PUS7L: variants seen among roughly 807,000 people sequenced by gnomAD.
PUS7L encodes pseudouridine synthase 7 like.
Under a neutral mutation model 51.1 loss-of-function variants are expected in PUS7L, and 49 were observed. The ratio of observed to expected loss-of-function variants is 0.96; its 90% CI spans 0.76 to 1.22. The LOEUF is 1.22. Among genes scored for constraint, PUS7L ranks in the 50% most tolerant of loss-of-function variants. PUS7L has a pLI of 0.00. For synonymous variants in PUS7L, 277 were observed against 276.2 expected (o/e 1.00, Z -0.03); for missense variants, 828 against 820.6 (o/e 1.01, Z -0.11).
rs771726514 is a variant in PUS7L, at chr12:43,742,536, T to A, written c.1283A>T (p.Tyr428Phe). ...CTTCCCAAATCTCTGTGGTCCATAG[T>A]AATTCACAAAGCCTTTTTTCTATGT... ...ENVKKKGFVN[Y>F]YGPQRFGKGR... Residue 428 changes from tyrosine (Y) to phenylalanine (F), a missense_variant, in exon 5 of 9, where the codon TAC (tyrosine) becomes TTC (phenylalanine). By Grantham distance (22) the Tyr-to-Phe change is conservative (BLOSUM62 3). Transcript: ENST00000344862. 1.9e-6 allele frequency: 3 copies of A among 1,606,052 alleles called. No homozygotes were observed. The highest frequency in any genetic ancestry group is 3.5e-5 in the Admixed American group (2 of 57,190).
In PUS7L at chr12:43,736,617, G is replaced by T; in HGVS notation, c.1489C>A (p.Arg497Ser). Residue 497 changes from arginine (R) to serine (S), a missense_variant, in exon 7 of 9, where the codon CGT (arginine) becomes AGT (serine). Arg to Ser is a moderately radical substitution (Grantham distance 110). Transcript: ENST00000344862. The stretch of plus-strand genomic sequence containing the variant: ...AATGCCTCCAACAATGCTCTCTCAC[G>T]CACTTTGAATTCAGGCATCAATGAA... Reference protein sequence around the residue: ...TLSLMPEFKVRERALLEALHR... With the variant: ...TLSLMPEFKVSERALLEALHR... 1 of 1,613,910 alleles carries T rather than the reference G, an allele frequency of 6.2e-7. No homozygotes were observed.
chr12:43,721,088 T>C lies in PUS7L; in HGVS notation c.*9288A>G, dbSNP rs1944392328. On this transcript the variant is annotated 3_prime_UTR_variant, in exon 9 of 9. Coordinates refer to ENST00000344862, the MANE Select transcript of PUS7L (RefSeq NM_031292.5). ...AACTTTCCTTAATGTCATAAAGTTT[T>C]AGAAATATGCAGATAAATTCAGAGA... 6.6e-6 allele frequency: 1 copy of C among 152,196 alleles called. No individual in the cohort carries two copies. Among genetic ancestry groups the C allele is most frequent in the African/African-American group, 2.4e-5 (1 of 41,442 alleles). The allele number at this position is 152,196 out of a possible 1,614,324, so 9.4% of individuals were successfully genotyped here. A position where few individuals can be genotyped will look rare whatever the true frequency, so the allele number is the denominator to read the frequency against.
intron 2 of PUS7L, among the ~76,000 whole-genome samples, chr12:43,753,620 T>A (rs1343512170): frequency 6.6e-6 from 1 of 152,190 alleles, no homozygotes; most frequent in Non-Finnish European, 1.5e-5. Flanking sequence ...CAATTAAACC[T>A]AGTCAGCTGG....
intron 2 of PUS7L, among the ~76,000 whole-genome samples, chr12:43,752,806 G>A (rs1938517881): frequency 1.3e-5 from 2 of 152,102 alleles, no homozygotes; most frequent in Admixed American, 1.3e-4. Flanking sequence ...GATGAATGGT[G>A]GTGAGGGATG....
At chr12:43,749,889 A>G (rs12318086) in intron 2 of PUS7L, among the ~76,000 whole-genome samples, 13,375 of 152,094 alleles carry the variant, frequency 0.088, 1,429 homozygotes, top group African/African-American at 0.26. Context: ...ACTGGGGTCT[A>G]TAAGAGGTAG....
chr12:43,749,859 T>C (rs1252253574), intron 2 of PUS7L, among the ~76,000 whole-genome samples: 1 of 151,794 alleles, frequency 6.6e-6, no homozygotes, highest in Non-Finnish European at 1.5e-5. Context: ...CACATAGACA[T>C]AAAAATGGAA....
chr12:43,735,217 T>C (rs1274595917), intron 7 of PUS7L, among the ~76,000 whole-genome samples: 2 of 151,836 alleles, frequency 1.3e-5, no homozygotes, highest in Non-Finnish European at 2.9e-5. Context: ...CTTGGGAGGC[T>C]GAGGCAGGAG....
chr12:43,756,479 T>C (rs1052913170), intron 1 of PUS7L, among the ~76,000 whole-genome samples: 1 of 152,238 alleles, frequency 6.6e-6, no homozygotes, highest in Admixed American at 6.5e-5. Flanking sequence ...GAGCCTGCCA[T>C]TGGGCTTTAC....
At chr12:43,757,359 G>A (rs1214551591) in intron 1 of PUS7L, among the ~76,000 whole-genome samples, 1 of 152,136 alleles carries the variant, frequency 6.6e-6, no homozygotes, top group Non-Finnish European at 1.5e-5. Flanking sequence ...TTTTAGTAGA[G>A]ATGGGGTTTC....
chr12:43,732,468 A>C (rs1944580636), intron 7 of PUS7L, among the ~76,000 whole-genome samples: 1 of 152,080 alleles, frequency 6.6e-6, no homozygotes, highest in Non-Finnish European at 1.5e-5. Flanking sequence ...TGAAAAAAAA[A>C]AAATTTAAAG....
At chr12:43,742,592 T>A (rs777114626) in intron 4 of PUS7L, 37 bp from the exon 5 acceptor site, 25 of 1,512,606 alleles carry the variant, frequency 1.7e-5, no homozygotes, top group Admixed American at 8.7e-5. Flanking sequence ...TAAGAGTATA[T>A]AAATACAATT....
Position 43,736,658 on chromosome 12 carries a change from T to A in PUS7L, c.1448A>T (p.Asp483Val). Reference sequence around the variant, plus strand: ...CATCAATGAAAGTGTGCCTTTAGCATCCTCTGAAACAAAGGGTAAATCAGG... The same window carrying A: ...CATCAATGAAAGTGTGCCTTTAGCAACCTCTGAAACAAAGGGTAAATCAGG... Reference protein sequence around the residue: ...RAKKYFLQTEDAKGTLSLMPE... With the variant: ...RAKKYFLQTEVAKGTLSLMPE... Residue 483 changes from aspartate to valine, a missense_variant, in exon 7 of 9, where the codon GAT becomes GTT. Transcript: ENST00000344862. The A allele has an allele frequency of 1.2e-6, 2 of 1,612,904 alleles. No homozygotes were observed. Among genetic ancestry groups the A allele is most frequent in the Non-Finnish European group, 1.7e-6 (2 of 1,179,054 alleles).
At position 43,738,320 on chromosome 12, in the gene PUS7L, A is replaced by G; in HGVS notation, c.1434T>C (p.Phe478=). The part of the protein sequence containing the change: ...DDPVNRAKKY[F]LQTEDAKGTL... ...AAGAAACGTAAATACCAGTTTGAAG[A>G]AAATACTTCTTTGCTCTATTTACAG... The change falls in exon 6 of 9, where the codon TTT becomes TTC. Residue 478 remains phenylalanine (F), a synonymous_variant. Coordinates refer to ENST00000344862, the MANE Select transcript of PUS7L (RefSeq NM_031292.5). The G allele has an allele frequency of 6.4e-7, 1 of 1,552,464 alleles. No homozygotes were observed. Among genetic ancestry groups the G allele is most frequent in the Non-Finnish European group, 8.9e-7 (1 of 1,124,208 alleles).
At chr12:43,745,709 A>G (rs1019756088) in intron 4 of PUS7L, among the ~76,000 whole-genome samples, 2 of 150,188 alleles carry the variant, frequency 1.3e-5, no homozygotes, top group Non-Finnish European at 3.0e-5. Context: ...ATTTCCAAAC[A>G]ATAAATTCCC....
chr12:43,746,062 G>T lies in PUS7L; in HGVS notation c.1247C>A (p.Ala416Glu), dbSNP rs771675243. 1 of 1,490,800 alleles carries T rather than the reference G, an allele frequency of 6.7e-7. No homozygotes were observed. Among genetic ancestry groups the T allele is most frequent in the Non-Finnish European group, 9.2e-7 (1 of 1,083,014 alleles). The allele number at this position is 1,490,800 out of a possible 1,614,324, so 92.3% of individuals were successfully genotyped here. ...TTTTCTTACCTTAACATTTTCTATT[G>T]CTTCCATAATTCTCTCCCTCAGGTT... ...SANLRERIME[A>E]IENVKKKGFV... Residue 416 changes from alanine to glutamate, a missense_variant, in exon 4 of 9, where the codon GCA becomes GAA. Physicochemically the swap from Ala to Glu is moderately radical, Grantham distance 107. Transcript: ENST00000344862.
intron 3 of PUS7L, among the ~76,000 whole-genome samples, chr12:43,746,806 TTGAGTTTAC>T (rs1265895566): frequency 6.6e-6 from 1 of 152,236 alleles, no homozygotes. Flanking sequence ...TGACAGACTA[TTGAGTTTAC>T]TGCCCGCAAA....
chr12:43,737,514 C>T (rs1457134475), intron 6 of PUS7L, among the ~76,000 whole-genome samples: 2 of 151,358 alleles, frequency 1.3e-5, no homozygotes, highest in South Asian at 2.1e-4. Context: ...GTATGTCGGT[C>T]AGATATCTGA....
intron 3 of PUS7L, 139 bp downstream of exon 3, chr12:43,748,311 G>T: frequency 1.9e-6 from 1 of 521,284 alleles, no homozygotes. Flanking sequence ...AATTAATTAG[G>T]AAAACATGAT....
intron 4 of PUS7L, 52 bp downstream of exon 4, chr12:43,745,994 A>G: frequency 2.5e-6 from 2 of 812,108 alleles, no homozygotes; most frequent in Non-Finnish European, 4.1e-6. Flanking sequence ...CAGTGTAGAG[A>G]AAGAGACAAT....
Sources: allele counts gnomAD v4.1 joint callset (sites outside exome capture counted in the v4.1 genomes callset), GRCh38; gene constraint gnomAD v4.1.1; transcripts MANE v1.5; gene names NCBI Gene and HGNC (gene_info 2026-07-23, HGNC 2026-07-21).